NHEJ1: variants seen among roughly 807,000 people sequenced by gnomAD.
NHEJ1 encodes the protein non-homologous end-joining factor 1.
A neutral mutation model predicts 39.4 loss-of-function variants in NHEJ1; 22 were observed. The observed-to-expected ratio is 0.56, with a 90% CI of 0.40 to 0.80. The LOEUF is 0.80. NHEJ1 is among the 30% of genes least tolerant of loss of function. The pLI is 0.00. For missense variants in NHEJ1, 329 were observed against 357.1 expected (o/e 0.92, Z 0.63); for synonymous variants, 154 against 135.6 (o/e 1.14, Z -0.94).
chr2:219,089,629 G>C (rs763757473), intron 5 of NHEJ1, among the ~76,000 whole-genome samples: 42 of 152,240 alleles, frequency 2.8e-4, no homozygotes, highest in Middle Eastern at 6.8e-3. Flanking sequence ...TATTTTTGGG[G>C]TGATGAAAAT....
Position 219,157,495 on chromosome 2 carries a change from A to G in NHEJ1, c.367T>C (p.Cys123Arg), listed in dbSNP as rs118204452. The change falls in exon 3 of 8, where the codon TGC (cysteine) becomes CGC (arginine). Residue 123 changes from cysteine to arginine, a missense_variant. Physicochemically the swap from Cys to Arg is radical, Grantham distance 180. Transcript: ENST00000356853. ...SGLPFYWNFHCMLASPSLVSQ... is the reference protein window; with the variant it reads ...SGLPFYWNFHRMLASPSLVSQ... Reference sequence around the variant, plus strand: ...ACCAGGGAAGGACTAGCTAGCATGCAGTGGAAATTCCAATAGAAGGGGAGG... The same window carrying G: ...ACCAGGGAAGGACTAGCTAGCATGCGGTGGAAATTCCAATAGAAGGGGAGG... 1.2e-6 allele frequency: 2 copies of G among 1,614,008 alleles called. No individual in the cohort carries two copies. The highest frequency in any genetic ancestry group is 2.2e-5 in the East Asian group (1 of 44,888).
intron 3 of NHEJ1, among the ~76,000 whole-genome samples, chr2:219,149,328 C>CA (rs908298051): frequency 8.6e-5 from 13 of 151,406 alleles, no homozygotes; most frequent in African/African-American, 2.2e-4. Context: ...ATTAACCTGT[C>CA]AAAAAAAATA....
intron 3 of NHEJ1, 32 bp downstream of exon 3, chr2:219,157,440 C>G (rs569484598): frequency 6.3e-7 from 1 of 1,588,706 alleles, no homozygotes; most frequent in African/African-American, 1.3e-5. Flanking sequence ...ACTGGCATCC[C>G]TCCCCCAACC....
At chr2:219,105,432 C>G (rs1223250549) in intron 5 of NHEJ1, among the ~76,000 whole-genome samples, 2 of 152,092 alleles carry the variant, frequency 1.3e-5, no homozygotes, top group Non-Finnish European at 2.9e-5. Flanking sequence ...GAAGGGAAAC[C>G]CTGCCACATC....
At chr2:219,076,528 C>A in intron 7 of NHEJ1, 73 bp from the exon 8 acceptor site, 1 of 1,226,230 alleles carries the variant, frequency 8.2e-7, no homozygotes, top group East Asian at 2.4e-5. Flanking sequence ...GAACTTTCTT[C>A]CTCTCATGGC....
chr2:219,136,587 C>T (rs1034876934), intron 5 of NHEJ1, among the ~76,000 whole-genome samples: 2 of 151,878 alleles, frequency 1.3e-5, no homozygotes, highest in African/African-American at 4.8e-5. Flanking sequence ...CCACACGTAG[C>T]CCCTACTTGG....
intron 5 of NHEJ1, among the ~76,000 whole-genome samples, chr2:219,080,146 G>C (rs1028346738): frequency 6.6e-6 from 1 of 152,180 alleles, no homozygotes; most frequent in African/African-American, 2.4e-5. Context: ...TTCTCAGAGA[G>C]ATCTGGTCCT....
chr2:219,114,531 CA>C (rs1559194347), intron 5 of NHEJ1, among the ~76,000 whole-genome samples: 1 of 152,144 alleles, frequency 6.6e-6, no homozygotes, highest in Non-Finnish European at 1.5e-5. Flanking sequence ...CATAGGCCTA[CA>C]AGAGGTAATG....
At chr2:219,099,412 C>T (rs1482409172) in intron 5 of NHEJ1, among the ~76,000 whole-genome samples, 1 of 152,158 alleles carries the variant, frequency 6.6e-6, no homozygotes, top group African/African-American at 2.4e-5. Context: ...TGTTGAGAAC[C>T]ACTGCTCTAG....
intron 5 of NHEJ1, among the ~76,000 whole-genome samples, chr2:219,124,315 T>C (rs1283886931): frequency 2.6e-5 from 4 of 152,066 alleles, no homozygotes; most frequent in Admixed American, 6.5e-5. Context: ...AAAGAATGAG[T>C]GGAATGTAAG....
At chr2:219,152,789 T>TTTATTTATTTA (rs1949809667) in intron 3 of NHEJ1, among the ~76,000 whole-genome samples, 4 of 87,784 alleles carry the variant, frequency 4.6e-5, no homozygotes, top group East Asian at 2.5e-4. Flanking sequence ...ATTTATTTAT[T>TTTATTTATTTA]TTTATTTATT....
rs142645989 is a variant in NHEJ1 at position 219,112,791 on chromosome 2, C to T, written c.588+33889G>A. ...ACCCCTGAAACTTCGCCCTCTTTTA[C>T]GCCCTCCTTTACACTCATGACTTTC... On this transcript the variant is annotated intron_variant, in intron 5 of 7. Transcript: ENST00000356853. 1.1e-4 allele frequency among the ~76,000 whole-genome samples: 16 copies of T among 152,270 alleles called. No individual in the cohort carries two copies. The East Asian group carries it at 2.9e-3, about 28-fold the overall frequency.
chr2:219,083,471 G>GAA (rs34925453), intron 5 of NHEJ1, among the ~76,000 whole-genome samples: 16,502 of 147,296 alleles, frequency 0.11, 1,223 homozygotes, highest in African/African-American at 0.21. Context: ...AAAATTACTA[G>GAA]AAAAAAAAAA....
intron 5 of NHEJ1, among the ~76,000 whole-genome samples, chr2:219,105,953 T>C (rs1431325282): frequency 6.6e-6 from 1 of 152,266 alleles, no homozygotes. Flanking sequence ...CAGTTTTCCT[T>C]GAAGATCCAT....
At chr2:219,115,531 C>T (rs1244752093) in intron 5 of NHEJ1, among the ~76,000 whole-genome samples, 1 of 152,128 alleles carries the variant, frequency 6.6e-6, no homozygotes, top group African/African-American at 2.4e-5. Flanking sequence ...ATCGATCAGC[C>T]ACAATCTGCA....
chr2:219,131,070 C>T (rs1949573532), intron 5 of NHEJ1, among the ~76,000 whole-genome samples: 1 of 152,078 alleles, frequency 6.6e-6, no homozygotes, highest in Non-Finnish European at 1.5e-5. Context: ...CCAGCTTGGG[C>T]AACAGAGCGA....
intron 5 of NHEJ1, among the ~76,000 whole-genome samples, chr2:219,122,705 ACT>A (rs1027358200): frequency 1.3e-5 from 2 of 151,982 alleles, no homozygotes; most frequent in Non-Finnish European, 2.9e-5. Flanking sequence ...AGTTCTAGAA[ACT>A]CTAATCATTC....
Position 219,069,455 on chromosome 2 carries a change from C to T in NHEJ1, c.*6926G>A, listed in dbSNP as rs1261408341. On this transcript the variant is annotated 3_prime_UTR_variant, in exon 8 of 8. Transcript: ENST00000356853. ...TCTCACCTAGGGTGCTCTGTGATGA[C>T]TCAGGGACTGGCCTGGCTCCTTTGG... is the stretch of plus-strand genomic sequence containing the variant. 6.6e-6 allele frequency: 1 copy of T among 152,236 alleles called. No homozygotes were observed. Among genetic ancestry groups the T allele is most frequent in the African/African-American group, 2.4e-5 (1 of 41,464 alleles). 9.4% of individuals were successfully genotyped at this position (152,236 alleles called of 1,614,324 possible).
chr2:219,107,404 T>C (rs932427250), intron 5 of NHEJ1, among the ~76,000 whole-genome samples: 6 of 152,138 alleles, frequency 3.9e-5, no homozygotes, highest in Admixed American at 2.6e-4. Context: ...CATAATAATA[T>C]GCCCAGGTGA....
Sources: allele counts gnomAD v4.1 joint callset (sites outside exome capture counted in the v4.1 genomes callset), GRCh38; gene constraint gnomAD v4.1.1; transcripts MANE v1.5; gene names NCBI Gene and HGNC (gene_info 2026-07-23, HGNC 2026-07-21).